CYP27A1: variants seen among roughly 807,000 people sequenced by gnomAD.
The protein encoded by CYP27A1 is cytochrome P450 family 27 subfamily A member 1.
In CYP27A1, 46 loss-of-function variants were observed where a neutral mutation model predicts 58.2. The ratio of observed to expected loss-of-function variants is 0.79; its 90% CI spans 0.62 to 1.01. The LOEUF is 1.01. Among genes scored for constraint, CYP27A1 ranks in the 50% least tolerant of loss-of-function variants. CYP27A1 has a pLI of 0.00. For synonymous variants in CYP27A1, 274 were observed against 285.1 expected, an observed-to-expected ratio of 0.96 and a Z score of 0.39; for missense variants, 704 against 687.0, an observed-to-expected ratio of 1.02 and a Z score of -0.28.
chr2:218,811,817 AT>A (rs1943718646), intron 2 of CYP27A1, among the ~76,000 whole-genome samples: 1 of 152,206 alleles, frequency 6.6e-6, no homozygotes, highest in African/African-American at 2.4e-5. Context: ...CTAAGCATTC[AT>A]TATGTACCAG....
chr2:218,798,197 G>A (rs1239233037), intron 1 of CYP27A1, among the ~76,000 whole-genome samples: 1 of 152,030 alleles, frequency 6.6e-6, no homozygotes, highest in African/African-American at 2.4e-5. Context: ...TAGAGATGGG[G>A]TTTCACCATG....
chr2:218,783,958 G>A (rs1257849372), intron 1 of CYP27A1, among the ~76,000 whole-genome samples: 2 of 152,172 alleles, frequency 1.3e-5, no homozygotes, highest in African/African-American at 2.4e-5. Context: ...GGGTGAAGAC[G>A]GCCTGCATGG....
intron 1 of CYP27A1, among the ~76,000 whole-genome samples, chr2:218,787,272 A>T (rs17470271): frequency 0.36 from 54,253 of 152,058 alleles, 10,438 homozygotes; most frequent in Non-Finnish European, 0.43. Flanking sequence ...GTAAACTTAT[A>T]TGTGACACTC....
chr2:218,790,153 CT>C (rs1045622796), intron 1 of CYP27A1, among the ~76,000 whole-genome samples: 2 of 152,152 alleles, frequency 1.3e-5, no homozygotes, highest in African/African-American at 2.4e-5. Flanking sequence ...AACTTAGGGC[CT>C]TAGCACTGCT....
intron 1 of CYP27A1, among the ~76,000 whole-genome samples, chr2:218,801,433 G>A (rs1316713776): frequency 6.6e-6 from 1 of 152,070 alleles, no homozygotes; most frequent in Non-Finnish European, 1.5e-5. Flanking sequence ...TTCAACCTGG[G>A]AAGTGGAGGT....
chr2:218,793,144 C>T (rs1943512078), intron 1 of CYP27A1, among the ~76,000 whole-genome samples: 1 of 152,190 alleles, frequency 6.6e-6, no homozygotes, highest in South Asian at 2.1e-4. Flanking sequence ...GGCACCATCT[C>T]GGCTCACTGC....
chr2:218,793,528 AT>A (rs1943516816), intron 1 of CYP27A1, among the ~76,000 whole-genome samples: 2 of 152,078 alleles, frequency 1.3e-5, no homozygotes. Context: ...GAACAAAAAT[AT>A]TTTACTGTCT....
In CYP27A1 at chr2:218,809,438, T is replaced by C. The variant is rs34336949; in HGVS notation, c.256-139T>C. 4.5e-3 allele frequency: 3,103 copies of C among 684,804 alleles called. 214 individuals are homozygous for C. In the African/African-American group the frequency reaches 0.077, roughly 17 times the overall value. The allele number at this position is 684,804 out of a possible 1,614,324, so 42.4% of individuals were successfully genotyped here. A position where few individuals can be genotyped will look rare whatever the true frequency, so the allele number is the denominator to read the frequency against. ...ATCCTGGTGCCTACATCATACACAA[T>C]GCCCTTTTTTTTTTTTTTTTTTTTT... On this transcript the variant is annotated intron_variant, in intron 1 of 8. Transcript: ENST00000258415.
In CYP27A1 at chr2:218,815,067, C is replaced by T. The variant is rs766165503; in HGVS notation, c.*37C>T. Reference sequence around the variant, plus strand: ...GCCTTGCTGGGGCTTGTCCTAGAGGCTCCAGCTCTGGCACAGTGGTTCCTG... The same window carrying T: ...GCCTTGCTGGGGCTTGTCCTAGAGGTTCCAGCTCTGGCACAGTGGTTCCTG... On this transcript the variant is annotated 3_prime_UTR_variant, in exon 9 of 9. Transcript: ENST00000258415. 1 of 1,613,686 alleles carries T rather than the reference C, an allele frequency of 6.2e-7. No individual in the cohort carries two copies. The highest frequency in any genetic ancestry group is 1.7e-5 in the Admixed American group (1 of 60,000).
chr2:218,814,916 C>T lies in CYP27A1; in HGVS notation c.1482C>T (p.Ile494=). The T allele has an allele frequency of 1.2e-6, 2 of 1,614,220 alleles. No individual in the cohort carries two copies. Among genetic ancestry groups the T allele is most frequent in the African/African-American group, 1.3e-5 (1 of 75,062 alleles). The change falls in exon 9 of 9, where the codon ATC becomes ATT. Residue 494 remains isoleucine, a synonymous_variant. Coordinates refer to ENST00000258415, the MANE Select transcript of CYP27A1 (RefSeq NM_000784.4). ...ATGTGCTCTTTACCCCCCAGCTGATCCAGAAGTACAAGGTGGTCCTGGCCC... is the reference window on the plus strand; with the variant it reads ...ATGTGCTCTTTACCCCCCAGCTGATTCAGAAGTACAAGGTGGTCCTGGCCC... ...LEMQLLLARL[I]QKYKVVLAPE... is the part of the protein sequence containing the mutation.
At chr2:218,790,852 C>T (rs1943485795) in intron 1 of CYP27A1, among the ~76,000 whole-genome samples, 1 of 152,012 alleles carries the variant, frequency 6.6e-6, no homozygotes, top group Non-Finnish European at 1.5e-5. Flanking sequence ...GGTCCGCCAC[C>T]ACTCCCGGCT....
Position 218,813,047 on chromosome 2 carries a change from G to C in CYP27A1, c.968G>C (p.Arg323Pro), listed in dbSNP as rs769640126. 6.2e-7 allele frequency: 1 copy of C among 1,614,084 alleles called. No homozygotes were observed. Among genetic ancestry groups the C allele is most frequent in the Non-Finnish European group, 8.5e-7 (1 of 1,179,950 alleles). Reference protein sequence around the residue: ...FLLASGQLSPREAMGSLPELL... With the variant: ...FLLASGQLSPPEAMGSLPELL... ...CTGGCCAGTGGACAGCTCAGTCCTCGGGAGGCCATGGGCAGCCTGCCTGAG... is the reference window on the plus strand; with the variant it reads ...CTGGCCAGTGGACAGCTCAGTCCTCCGGAGGCCATGGGCAGCCTGCCTGAG... Residue 323 changes from arginine to proline, a missense_variant, in exon 5 of 9, where the codon CGG (arginine) becomes CCG (proline). By Grantham distance (103) the Arg-to-Pro change is moderately radical. Transcript: ENST00000258415.
At chr2:218,814,307 T>C in intron 6 of CYP27A1, 73 bp from the exon 7 acceptor site, 1 of 1,595,174 alleles carries the variant, frequency 6.3e-7, no homozygotes, top group Non-Finnish European at 8.6e-7. Flanking sequence ...ATGGGAGAGG[T>C]AGGGGAGAAG....
intron 2 of CYP27A1, 122 bp from the exon 3 acceptor site, chr2:218,812,100 A>G (rs970331867): frequency 2.3e-5 from 17 of 740,366 alleles, no homozygotes; most frequent in Middle Eastern, 3.3e-4. Flanking sequence ...TCTAAATTCT[A>G]GGAGTATGGG....
At chr2:218,794,499 A>G (rs1943526599) in intron 1 of CYP27A1, among the ~76,000 whole-genome samples, 1 of 152,138 alleles carries the variant, frequency 6.6e-6, no homozygotes, top group Non-Finnish European at 1.5e-5. Flanking sequence ...AAAAGGAGAA[A>G]AGGGCGGGTA....
At chr2:218,798,525 A>G (rs1011491330) in intron 1 of CYP27A1, among the ~76,000 whole-genome samples, 4 of 152,164 alleles carry the variant, frequency 2.6e-5, no homozygotes, top group East Asian at 1.9e-4. Flanking sequence ...CCACTTACCA[A>G]TTGTGAAGTA....
In CYP27A1 at chr2:218,812,551, G is replaced by T. The variant is rs587778804; in HGVS notation, c.647-1G>T. 1.2e-6 allele frequency: 2 copies of T among 1,614,158 alleles called. No homozygotes were observed. The highest frequency in any genetic ancestry group is 1.7e-6 in the Non-Finnish European group (2 of 1,180,036). On this transcript the variant is annotated splice_acceptor_variant, in intron 3 of 8. Transcript: ENST00000258415. LOFTEE classifies it high-confidence loss of function. ...TGTGATGGCCTCTGTGCACTACTCAGCTATTTGCTACATCCTGTTCGAGAA... is the reference window on the plus strand; with the variant it reads ...TGTGATGGCCTCTGTGCACTACTCATCTATTTGCTACATCCTGTTCGAGAA...
intron 1 of CYP27A1, among the ~76,000 whole-genome samples, chr2:218,801,238 A>C (rs1943596848): frequency 6.6e-6 from 1 of 152,214 alleles, no homozygotes. Flanking sequence ...GTGGTGGCTC[A>C]CGTTGTTTGT....
chr2:218,808,354 G>A (rs1482494176), intron 1 of CYP27A1, among the ~76,000 whole-genome samples: 1 of 152,232 alleles, frequency 6.6e-6, no homozygotes, highest in Non-Finnish European at 1.5e-5. Flanking sequence ...GGTTTGTCAA[G>A]ACTGTCCTTC....
Sources: gnomAD v4.1 joint callset for allele counts (sites outside exome capture counted in the v4.1 genomes callset) on GRCh38, gnomAD v4.1.1 for gene constraint, MANE v1.5 for transcripts, NCBI Gene and HGNC (gene_info 2026-07-23, HGNC 2026-07-21) for gene names.